The following NLGN4X variants were observed in gnomAD, a reference collection of about 807,000 sequenced individuals.
NLGN4X encodes the protein neuroligin-4, X-linked.
In NLGN4X, 3 loss-of-function variants were observed where a neutral mutation model predicts 40.3. The ratio of observed to expected loss-of-function variants is 0.07; its 90% CI spans 0.03 to 0.19. NLGN4X has a LOEUF of 0.19. NLGN4X is among the 10% of genes least tolerant of loss of function. The probability of loss-of-function intolerance (pLI) is 1.00; values close to 1 mark genes in which losing one functional copy is unlikely to be tolerated. For synonymous variants in NLGN4X, 270 were observed against 306.8 expected (o/e 0.88, Z 1.25); for missense variants, 382 against 708.3 (o/e 0.54, Z 5.23).
intron 2 of NLGN4X, among the ~76,000 whole-genome samples, chrX:6,063,446 T>G (rs2037823170): frequency 8.9e-6 from 1 of 112,165 alleles, no homozygotes; most frequent in African/African-American, 3.2e-5. Flanking sequence ...GATTAAACAC[T>G]GCACCCAGCC....
In NLGN4X at chrX:5,988,711, G is replaced by C. The variant is rs771805125; in HGVS notation, c.625+40569C>G. 3.6e-5 allele frequency among the ~76,000 whole-genome samples: 4 copies of C among 112,576 alleles called. No homozygotes were observed. In the South Asian group the frequency reaches 1.5e-3, roughly 41 times the overall value. ...ACATCCTTCATGGCAAGTCCATTTG[G>C]AAAGGCATATGCCTGGCATTTAGCT... On this transcript the variant is annotated intron_variant, in intron 3 of 5. Coordinates refer to ENST00000381095, the MANE Select transcript of NLGN4X (RefSeq NM_181332.3).
chrX:6,208,012 G>A (rs1346942281), intron 1 of NLGN4X, among the ~76,000 whole-genome samples: 1 of 111,644 alleles, frequency 9.0e-6, no homozygotes, highest in Non-Finnish European at 1.9e-5. Context: ...TATTTTGTTG[G>A]ATAATCTAAT....
At chrX:5,990,077 CCTCTCTCTCT>C (rs71839664) in intron 3 of NLGN4X, among the ~76,000 whole-genome samples, 100 of 83,679 alleles carry the variant, frequency 1.2e-3, no homozygotes, top group East Asian at 4.0e-3. Flanking sequence ...TCTCTATTTT[CCTCTCTCTCT>C]CTCTCTCTCT....
intron 2 of NLGN4X, among the ~76,000 whole-genome samples, chrX:6,081,040 G>A (rs1011225763): frequency 8.2e-5 from 9 of 110,229 alleles, no homozygotes; most frequent in African/African-American, 3.0e-4. Context: ...TGTAATCCCA[G>A]CACTTTGGGA....
chrX:6,162,090 T>C (rs1034308656), intron 1 of NLGN4X, among the ~76,000 whole-genome samples: 3 of 111,763 alleles, frequency 2.7e-5, no homozygotes, highest in African/African-American at 6.5e-5. Context: ...TGGTCCTACA[T>C]AAGAGCAAAC....
chrX:5,985,862 A>G (rs1038402555), intron 3 of NLGN4X, among the ~76,000 whole-genome samples: 3 of 111,826 alleles, frequency 2.7e-5, no homozygotes, highest in African/African-American at 9.8e-5. Flanking sequence ...CAAACTAAAC[A>G]GACATTAAGG....
At position 5,893,328 on chromosome X, in the gene NLGN4X, G is replaced by A; in HGVS notation, c.1940C>T (p.Pro647Leu). 1 of 1,211,104 alleles carries A rather than the reference G, an allele frequency of 8.3e-7. No individual in the cohort carries two copies. The highest frequency in any genetic ancestry group is 1.8e-5 in the South Asian group (1 of 56,919). The change falls in exon 6 of 6, where the codon CCC becomes CTC. Residue 647 changes from proline to leucine, a missense_variant. Around this residue, in one of 5 missense-constraint regions of NLGN4X, gnomAD observed 149 missense variants for 375.8 expected, o/e 0.40. Transcript: ENST00000381095. The part of the protein sequence containing the change: ...KRPAITPANN[P>L]KHSKDPHKTG... ...TTTGTGAGGGTCCTTAGAGTGTTTG[G>A]GATTGTTGGCAGGAGTGATTGCTGG... is the stretch of plus-strand genomic sequence containing the variant.
intron 3 of NLGN4X, among the ~76,000 whole-genome samples, chrX:5,921,133 T>TTATATATATATATACATATA (rs2033018125): frequency 1.5e-5 from 1 of 65,013 alleles, no homozygotes; most frequent in Non-Finnish European, 2.7e-5. Flanking sequence ...TAAGTATTTT[T>TTATATATATATATACATATA]TATATATATA....
chrX:6,183,838 T>C (rs1391647283), intron 1 of NLGN4X, among the ~76,000 whole-genome samples: 7 of 112,186 alleles, frequency 6.2e-5, no homozygotes. Context: ...GACTTAACCA[T>C]AGAAATGGTG....
chrX:6,065,361 T>C (rs866953009), intron 2 of NLGN4X, among the ~76,000 whole-genome samples: 1 of 14,416 alleles, frequency 6.9e-5, no homozygotes, highest in Non-Finnish European at 2.0e-4. Flanking sequence ...TCTCTGGCCC[T>C]TAAAAAAAAA....
At chrX:5,996,237 G>A (rs1240520582) in intron 3 of NLGN4X, among the ~76,000 whole-genome samples, 1 of 112,358 alleles carries the variant, frequency 8.9e-6, no homozygotes, top group Non-Finnish European at 1.9e-5. Context: ...CTGGGGTCCA[G>A]AGCCTTTGCA....
At chrX:5,965,307 C>A (rs2034794658) in intron 3 of NLGN4X, among the ~76,000 whole-genome samples, 2 of 111,904 alleles carry the variant, frequency 1.8e-5, no homozygotes, top group Admixed American at 1.9e-4. Flanking sequence ...CCACATGAGA[C>A]AAGAAGTCGG....
At chrX:6,042,722 T>C (rs866950488) in intron 2 of NLGN4X, among the ~76,000 whole-genome samples, 21 of 44,084 alleles carry the variant, frequency 4.8e-4, no homozygotes, top group South Asian at 1.6e-3. Flanking sequence ...TATATATATA[T>C]ATATATATAC....
intron 2 of NLGN4X, among the ~76,000 whole-genome samples, chrX:6,087,379 G>A (rs192370985): frequency 8.9e-6 from 1 of 111,789 alleles, no homozygotes; most frequent in African/African-American, 3.2e-5. Context: ...TCATATCTAT[G>A]TATATATACA....
chrX:6,042,364 T>C (rs918388265), intron 2 of NLGN4X, among the ~76,000 whole-genome samples: 10 of 109,826 alleles, frequency 9.1e-5, no homozygotes, highest in Non-Finnish European at 1.9e-4. Context: ...TAACTTTCCA[T>C]AAGCACTTTT....
chrX:5,940,544 C>A (rs886913631), intron 3 of NLGN4X, among the ~76,000 whole-genome samples: 3 of 105,923 alleles, frequency 2.8e-5, no homozygotes, highest in African/African-American at 1.0e-4. Context: ...CATTAATGCT[C>A]AATACACTAA....
At chrX:5,996,893 C>T (rs765909774) in intron 3 of NLGN4X, among the ~76,000 whole-genome samples, 16 of 111,376 alleles carry the variant, frequency 1.4e-4, no homozygotes, top group African/African-American at 3.6e-4. Context: ...CACTTATGCC[C>T]GGTCTATCCT....
intron 2 of NLGN4X, among the ~76,000 whole-genome samples, chrX:6,036,610 GCACA>G (rs55801725): frequency 1.9e-4 from 18 of 93,559 alleles, no homozygotes; most frequent in African/African-American, 2.4e-4. Context: ...TGTGGCTGGC[GCACA>G]CACACACACA....
At chrX:6,217,008 C>G in intron 1 of NLGN4X, among the ~76,000 whole-genome samples, 1 of 111,716 alleles carries the variant, frequency 9.0e-6, no homozygotes, top group East Asian at 2.8e-4. Context: ...TCTCAAAGTC[C>G]TGGGCTCAAG....
Sources: allele counts gnomAD v4.1 joint callset (sites outside exome capture counted in the v4.1 genomes callset), GRCh38; gene constraint gnomAD v4.1.1; regional missense constraint gnomAD v4.1.1; transcripts MANE v1.5; gene names NCBI Gene and HGNC (gene_info 2026-07-23, HGNC 2026-07-21).